RETREG1: variants seen among roughly 807,000 people sequenced by gnomAD.
RETREG1 encodes the protein family with sequence similarity 134 member B.
A neutral mutation model predicts 54.8 loss-of-function variants in RETREG1; 44 were observed. That is an observed-to-expected ratio of 0.80 (90% CI 0.63 to 1.03). RETREG1 has a LOEUF of 1.03. RETREG1 is among the 50% of genes least tolerant of loss of function. The probability of loss-of-function intolerance (pLI) is 0.00; values close to 1 mark genes in which losing one functional copy is unlikely to be tolerated. For synonymous variants in RETREG1, 217 were observed against 238.5 expected, an observed-to-expected ratio of 0.91 and a Z score of 0.83; for missense variants, 554 against 605.1, an observed-to-expected ratio of 0.92 and a Z score of 0.89.
chr5:16,492,229 T>TCTCTCTCTCTCTCTCTCACA (rs1406702350), intron 3 of RETREG1, among the ~76,000 whole-genome samples: 1 of 110,570 alleles, frequency 9.0e-6, no homozygotes, highest in African/African-American at 3.1e-5. Flanking sequence ...TCTCTCTCTC[T>TCTCTCTCTCTCTCTCTCACA]CACACACACA....
rs545196358 is a variant in RETREG1 at position 16,581,175 on chromosome 5, G to A, written c.321-9073C>T. On this transcript the variant is annotated intron_variant, in intron 1 of 8. Coordinates refer to ENST00000306320, the MANE Select transcript of RETREG1 (RefSeq NM_001034850.3). ...GAGAGGCTGGGCAGGGCCAGGGCAA[G>A]AAGTGGGTGGTCAAGAACCCTTTCT... Among the ~76,000 whole-genome samples, 66 of 152,322 alleles carry A rather than the reference G, an allele frequency of 4.3e-4. No individual in the cohort carries two copies. The Middle Eastern group carries it at 0.014, about 31-fold the overall frequency.
chr5:16,528,511 C>T (rs757065719), intron 3 of RETREG1, among the ~76,000 whole-genome samples: 5 of 152,104 alleles, frequency 3.3e-5, no homozygotes, highest in Non-Finnish European at 7.3e-5. Context: ...ACATGGAGGC[C>T]AGTCTCTTCA....
At chr5:16,614,489 T>A (rs1046444877) in intron 1 of RETREG1, among the ~76,000 whole-genome samples, 32 of 152,300 alleles carry the variant, frequency 2.1e-4, no homozygotes, top group African/African-American at 7.7e-4. Flanking sequence ...ACCTATCAGA[T>A]TTGCAGGATC....
intron 3 of RETREG1, among the ~76,000 whole-genome samples, chr5:16,519,406 T>C (rs1445227260): frequency 6.6e-6 from 1 of 152,186 alleles, no homozygotes; most frequent in African/African-American, 2.4e-5. Context: ...CTCAGGTCCT[T>C]GGAAACCCAG....
intron 3 of RETREG1, among the ~76,000 whole-genome samples, chr5:16,555,988 ACTT>A (rs1328260679): frequency 6.6e-6 from 1 of 152,152 alleles, no homozygotes; most frequent in Non-Finnish European, 1.5e-5. Context: ...TTATAAATGA[ACTT>A]CACGCATTTC....
intron 1 of RETREG1, among the ~76,000 whole-genome samples, chr5:16,580,330 A>G (rs371117175): frequency 6.6e-6 from 1 of 152,222 alleles, no homozygotes; most frequent in East Asian, 1.9e-4. Flanking sequence ...GTGCTTGCCC[A>G]TATCATTCCA....
intron 1 of RETREG1, among the ~76,000 whole-genome samples, chr5:16,592,112 G>A (rs893289472): frequency 4.6e-5 from 7 of 152,246 alleles, no homozygotes; most frequent in East Asian, 1.9e-4. Flanking sequence ...GCCCTCGGTC[G>A]AGCCAGTCTT....
chr5:16,546,014 T>C (rs992102105), intron 3 of RETREG1, among the ~76,000 whole-genome samples: 3 of 152,146 alleles, frequency 2.0e-5, no homozygotes, highest in Non-Finnish European at 4.4e-5. Flanking sequence ...CCCTTTCCCT[T>C]TCCATGAGAG....
At chr5:16,514,297 G>A (rs1019017707) in intron 3 of RETREG1, among the ~76,000 whole-genome samples, 18 of 152,154 alleles carry the variant, frequency 1.2e-4, no homozygotes, top group East Asian at 3.9e-4. Flanking sequence ...CTGCAAATAC[G>A]GGAGAGCCCA....
At chr5:16,534,517 G>T (rs1437854207) in intron 3 of RETREG1, among the ~76,000 whole-genome samples, 1 of 152,242 alleles carries the variant, frequency 6.6e-6, no homozygotes, top group Non-Finnish European at 1.5e-5. Context: ...AGAGTGGGTA[G>T]AGAGGAGAGA....
At chr5:16,569,279 A>ATTTC (rs1271363605) in intron 2 of RETREG1, among the ~76,000 whole-genome samples, 35 of 147,022 alleles carry the variant, frequency 2.4e-4, no homozygotes, top group East Asian at 6.0e-4. Flanking sequence ...AATCATTCCC[A>ATTTC]TTTCTTTCTT....
At chr5:16,543,649 C>T (rs368354101) in intron 3 of RETREG1, among the ~76,000 whole-genome samples, 3 of 145,012 alleles carry the variant, frequency 2.1e-5, no homozygotes, top group East Asian at 2.1e-4. Context: ...GCACTCCAGC[C>T]GGGGCGACAG....
At chr5:16,528,437 G>A (rs1740793321) in intron 3 of RETREG1, among the ~76,000 whole-genome samples, 1 of 152,132 alleles carries the variant, frequency 6.6e-6, no homozygotes, top group Non-Finnish European at 1.5e-5. Flanking sequence ...GTCACCCCAG[G>A]TTCAAGGTCA....
rs901268406 is a variant in RETREG1 at position 16,585,737 on chromosome 5, C to A, written c.321-13635G>T. Among the ~76,000 whole-genome samples, 9 of 152,104 alleles carry A rather than the reference C, an allele frequency of 5.9e-5. No individual in the cohort carries two copies. Among genetic ancestry groups the A allele is most frequent in the Admixed American group, 3.9e-4 (6 of 15,270 alleles). ...AGGAAGCATGGGGTCAGCATCTGCTCGGCTTCTCATGAGGCCTCAGAAAGC... is the reference window on the plus strand; with the variant it reads ...AGGAAGCATGGGGTCAGCATCTGCTAGGCTTCTCATGAGGCCTCAGAAAGC... On this transcript the variant is annotated intron_variant, in intron 1 of 8. Coordinates refer to ENST00000306320, the MANE Select transcript of RETREG1 (RefSeq NM_001034850.3). This position sits in a 1 kb window ranked among gnomAD's most constrained non-coding sequence, Gnocchi z 4.5.
intron 3 of RETREG1, among the ~76,000 whole-genome samples, chr5:16,500,201 T>G (rs182819175): frequency 6.6e-6 from 1 of 152,246 alleles, no homozygotes; most frequent in East Asian, 1.9e-4. Flanking sequence ...CAGGGACAGC[T>G]GGAACATTCC....
At position 16,533,639 on chromosome 5, in the gene RETREG1, A is replaced by C. The variant is rs145812922; in HGVS notation, c.458+32124T>G. Among the ~76,000 whole-genome samples the C allele has an allele frequency of 5.1e-3, 783 of 152,284 alleles. 9 individuals carry two copies. Among genetic ancestry groups the C allele is most frequent in the Non-Finnish European group, 7.0e-3 (477 of 68,026 alleles). ...ATGGGTTCTAGAGCTTGAGTGACCC[A>C]CAGTACCCACAAGGGTTCCTGGTGG... On this transcript the variant is annotated intron_variant, in intron 3 of 8. Coordinates refer to ENST00000306320, the MANE Select transcript of RETREG1 (RefSeq NM_001034850.3).
chr5:16,590,583 C>T (rs371523577), intron 1 of RETREG1, among the ~76,000 whole-genome samples: 1 of 152,148 alleles, frequency 6.6e-6, no homozygotes, highest in East Asian at 1.9e-4. Context: ...AAACTCGGGG[C>T]GTGTGTGCTG....
chr5:16,600,492 G>C (rs1302550429), intron 1 of RETREG1, among the ~76,000 whole-genome samples: 1 of 152,210 alleles, frequency 6.6e-6, no homozygotes, highest in African/African-American at 2.4e-5. Flanking sequence ...GCTGAGAACA[G>C]GGAGCTGATG....
chr5:16,581,148 G>A (rs76786221), intron 1 of RETREG1, among the ~76,000 whole-genome samples: 11,555 of 152,164 alleles, frequency 0.076, 510 homozygotes, highest in Non-Finnish European at 0.11. Context: ...GAGATTGGAA[G>A]GGAGAGGCTG....
Sources: allele counts gnomAD v4.1 joint callset (sites outside exome capture counted in the v4.1 genomes callset), GRCh38; gene constraint gnomAD v4.1.1; non-coding constraint Gnocchi (gnomAD v3.1); transcripts MANE v1.5; gene names NCBI Gene and HGNC (gene_info 2026-07-23, HGNC 2026-07-21).